SP140: variants seen among roughly 807,000 people sequenced by gnomAD.
The protein encoded by SP140 is nuclear body protein SP140.
In SP140, 81 loss-of-function variants were observed where a neutral mutation model predicts 125.0. That is an observed-to-expected ratio of 0.65 (90% CI 0.54 to 0.78). The LOEUF is 0.78. Ranked by LOEUF, SP140 falls within the 30% of genes least tolerant of loss-of-function variation. SP140 has a pLI of 0.00. For synonymous variants in SP140, 312 were observed against 354.0 expected, an observed-to-expected ratio of 0.88 and a Z score of 1.33; for missense variants, 858 against 1,037.0, an observed-to-expected ratio of 0.83 and a Z score of 2.37.
At chr2:230,253,927 C>A (rs1281379566) in intron 11 of SP140, among the ~76,000 whole-genome samples, 1 of 152,096 alleles carries the variant, frequency 6.6e-6, no homozygotes, top group Non-Finnish European at 1.5e-5. Context: ...AAGAACTTTT[C>A]CAACCTGGGA....
intron 12 of SP140, among the ~76,000 whole-genome samples, chr2:230,267,253 A>G (rs534702702): frequency 2.6e-4 from 40 of 152,330 alleles, no homozygotes; most frequent in African/African-American, 9.1e-4. Flanking sequence ...TATTGCTTGC[A>G]GACCTCAAAT....
chr2:230,245,081 G>A lies in SP140; in HGVS notation c.664+1G>A. 1 of 1,602,496 alleles carries A rather than the reference G, an allele frequency of 6.2e-7. No homozygotes were observed. The highest frequency in any genetic ancestry group is 8.5e-7 in the Non-Finnish European group (1 of 1,169,970). ...CCCAGCCTACTACCAGGTGGGGGAG[G>A]TAATTATGATTTAAATGACCAATTA... On this transcript the variant is annotated splice_donor_variant, in intron 6 of 26. Transcript: ENST00000392045. LOFTEE classifies it high-confidence loss of function.
At position 230,212,765 on chromosome 2, in the gene SP140, A is replaced by G. The variant is rs1228225343; in HGVS notation, c.-322-889A>G. ...TGGATGGGATCTGTTTCTCACCTGA[A>G]GTGCTTCTTCCTTCCTGGATGAGTG... On this transcript the variant is annotated intron_variant, in intron 1 of 4. Transcript: ENST00000456542. The G allele has an allele frequency of 3.1e-6, 5 of 1,614,028 alleles. No individual in the cohort carries two copies. The highest frequency in any genetic ancestry group is 3.3e-5 in the Admixed American group (2 of 60,012).
At position 230,241,467 on chromosome 2, in the gene SP140, T is replaced by A; in HGVS notation, c.470T>A (p.Leu157Ter). The A allele has an allele frequency of 6.3e-7, 1 of 1,578,200 alleles. No homozygotes were observed. The change falls in exon 4 of 27, where the codon TTA becomes TAA. Residue 157 changes from leucine to a stop codon, truncating the protein, a stop_gained. Transcript: ENST00000392045. LOFTEE classifies it high-confidence loss of function. ...NVNDLEDRPR[L>*]LPYGKQENSN... ...AACGATTTAGAAGATAGACCCAGAT[T>A]ACTACCATATGGTAAACAAGGTAAC...
chr2:230,258,361 C>T lies in SP140; in HGVS notation c.1240+2829C>T, dbSNP rs748197192. ...GAAAAAGTAATGATGTTTTACAATA[C>T]GTTAATGGAATGGCAGACAACTGTT... On this transcript the variant is annotated intron_variant, in intron 12 of 26. Coordinates refer to ENST00000392045, the MANE Select transcript of SP140 (RefSeq NM_007237.5). Among the ~76,000 whole-genome samples the T allele has an allele frequency of 3.3e-5, 5 of 152,278 alleles. No homozygotes were observed. The South Asian group carries it at 8.3e-4, about 25-fold the overall frequency.
intron 3 of SP140, chr2:230,239,213 G>C (rs2048379746): frequency 3.3e-6 from 1 of 301,372 alleles, no homozygotes; most frequent in Admixed American, 5.0e-5. Context: ...CAAATACTGT[G>C]CATGCCTCCT....
intron 5 of SP140, among the ~76,000 whole-genome samples, chr2:230,244,142 C>T (rs1249116058): frequency 1.3e-5 from 2 of 152,124 alleles, no homozygotes; most frequent in Non-Finnish European, 2.9e-5. Context: ...GAAACATGTT[C>T]CATCAGACCA....
At chr2:230,231,336 A>T (rs1461862188) in intron 1 of SP140, among the ~76,000 whole-genome samples, 1 of 152,174 alleles carries the variant, frequency 6.6e-6, no homozygotes, top group Non-Finnish European at 1.5e-5. Context: ...TTTTTAAGTC[A>T]GACATGATAA....
intron 1 of SP140, among the ~76,000 whole-genome samples, chr2:230,205,670 A>G (rs1473091571): frequency 6.6e-6 from 1 of 152,206 alleles, no homozygotes; most frequent in Non-Finnish European, 1.5e-5. Context: ...TTGTTGGAAT[A>G]AATGTCTGAA....
intron 15 of SP140, among the ~76,000 whole-genome samples, chr2:230,281,604 CTTTTT>C (rs2055568768): frequency 6.6e-6 from 1 of 152,168 alleles, no homozygotes; most frequent in Non-Finnish European, 1.5e-5. Context: ...CACTACTCTT[CTTTTT>C]AACTATGATA....
In SP140 at chr2:230,269,529, T is replaced by C. The variant is rs758600431; in HGVS notation, c.1241-3T>C. On this transcript the variant is annotated splice_region_variant and splice_polypyrimidine_tract_variant and intron_variant, in intron 12 of 26. Coordinates refer to ENST00000392045, the MANE Select transcript of SP140 (RefSeq NM_007237.5). ...GGACAATAATTTTCTTGTTTCTCAT[T>C]AGTGTCTAGTGAACTAGAAAATCAC... is the stretch of plus-strand genomic sequence containing the variant. 3.3e-5 allele frequency: 52 copies of C among 1,583,110 alleles called. No individual in the cohort carries two copies. Among genetic ancestry groups the C allele is most frequent in the Non-Finnish European group, 4.3e-5 (50 of 1,152,038 alleles).
intron 26 of SP140, among the ~76,000 whole-genome samples, 175 bp downstream of exon 26, chr2:230,311,770 A>T (rs1198579098): frequency 6.6e-6 from 1 of 152,218 alleles, no homozygotes; most frequent in East Asian, 1.9e-4. Flanking sequence ...AGAAACAGTG[A>T]ATCAAAAGGT....
At chr2:230,216,944 T>C (rs1362751455) in intron 3 of SP140, 12 of 1,611,440 alleles carry the variant, frequency 7.4e-6, no homozygotes, top group Middle Eastern at 1.9e-4. Context: ...GAAAGAGGCA[T>C]GATAAAAAAT....
intron 12 of SP140, among the ~76,000 whole-genome samples, chr2:230,261,214 A>G (rs191096222): frequency 3.3e-5 from 5 of 152,138 alleles, no homozygotes; most frequent in African/African-American, 4.8e-5. Flanking sequence ...TTTTGCAGCT[A>G]TTGTAAAAGG....
intron 22 of SP140, among the ~76,000 whole-genome samples, chr2:230,297,800 G>A (rs2057894953): frequency 6.6e-6 from 1 of 152,204 alleles, no homozygotes; most frequent in African/African-American, 2.4e-5. Context: ...TTAGGGGGAA[G>A]GAACAAATGT....
chr2:230,223,288 G>T (rs1371189357), upstream of SP140, among the ~76,000 whole-genome samples: 2 of 152,168 alleles, frequency 1.3e-5, no homozygotes, highest in Non-Finnish European at 2.9e-5. Context: ...GCCTGCCTCA[G>T]CCTCCCGAAG....
chr2:230,259,017 A>G (rs183390907), intron 12 of SP140, among the ~76,000 whole-genome samples: 67 of 152,358 alleles, frequency 4.4e-4, no homozygotes, highest in African/African-American at 1.4e-3. Flanking sequence ...AGATGTGGCT[A>G]CTAGCAATGG....
intron 5 of SP140, 78 bp from the exon 6 acceptor site, chr2:230,244,910 C>T: frequency 2.0e-6 from 2 of 1,015,266 alleles, no homozygotes; most frequent in South Asian, 2.9e-5. Flanking sequence ...GAGAAGCTCA[C>T]TTGAGTGCTG....
intron 1 of SP140, among the ~76,000 whole-genome samples, chr2:230,228,080 C>G (rs2046720351): frequency 6.6e-6 from 1 of 152,086 alleles, no homozygotes. Flanking sequence ...GCTTTTGTTG[C>G]ATCCCATTCA....
Sources: allele counts gnomAD v4.1 joint callset (sites outside exome capture counted in the v4.1 genomes callset), GRCh38; gene constraint gnomAD v4.1.1; transcripts MANE v1.5; gene names NCBI Gene and HGNC (gene_info 2026-07-23, HGNC 2026-07-21).